SENP5: variants seen among roughly 807,000 people sequenced by gnomAD.
SENP5 encodes SUMO specific peptidase 5.
Under a neutral mutation model 74.2 loss-of-function variants are expected in SENP5, and 21 were observed. That is an observed-to-expected ratio of 0.28 (90% CI 0.20 to 0.41). The LOEUF is 0.41. Among genes scored for constraint, SENP5 ranks in the 10% least tolerant of loss-of-function variants. The probability of loss-of-function intolerance (pLI) is 1.00; values close to 1 mark genes in which losing one functional copy is unlikely to be tolerated. For missense variants in SENP5, 717 were observed against 889.1 expected (o/e 0.81, Z 2.46); for synonymous variants, 311 against 312.7 (o/e 0.99, Z 0.06).
At chr3:196,897,357 A>C (rs966379226) in intron 2 of SENP5, among the ~76,000 whole-genome samples, 5 of 152,226 alleles carry the variant, frequency 3.3e-5, no homozygotes, top group Non-Finnish European at 5.9e-5. Flanking sequence ...TTCCTAGATT[A>C]GAAGCCCCAA....
intron 2 of SENP5, among the ~76,000 whole-genome samples, chr3:196,894,014 A>G (rs1300590572): frequency 1.3e-5 from 2 of 151,804 alleles, no homozygotes; most frequent in East Asian, 3.9e-4. Flanking sequence ...AAAAATATTT[A>G]TGGTCGTGTA....
At chr3:196,869,284 ACCT>A (rs1261016949) in intron 1 of SENP5, among the ~76,000 whole-genome samples, 1 of 151,208 alleles carries the variant, frequency 6.6e-6, no homozygotes. Flanking sequence ...GCTCACTGCA[ACCT>A]CCTCCTCCCA....
intron 2 of SENP5, among the ~76,000 whole-genome samples, chr3:196,891,967 T>G (rs549947234): frequency 1.3e-3 from 193 of 152,152 alleles, no homozygotes; most frequent in African/African-American, 4.4e-3. Context: ...ATTTTTTGTA[T>G]TTTTAGTAGA....
At chr3:196,920,217 TA>T (rs1715562983) in intron 6 of SENP5, among the ~76,000 whole-genome samples, 2 of 152,242 alleles carry the variant, frequency 1.3e-5, no homozygotes, top group Non-Finnish European at 2.9e-5. Flanking sequence ...TCTTTGCATT[TA>T]TTTTTTCTCA....
chr3:196,929,803 T>TTCCC (rs1715957733), intron 9 of SENP5, 120 bp downstream of exon 9: 16 of 703,104 alleles, frequency 2.3e-5, no homozygotes, highest in Non-Finnish European at 3.3e-5. Context: ...ACGGAGTACT[T>TTCCC]TCCCTCCCCT....
At chr3:196,907,476 G>A (rs1390539494) in intron 6 of SENP5, among the ~76,000 whole-genome samples, 4 of 150,314 alleles carry the variant, frequency 2.7e-5, no homozygotes, top group Admixed American at 1.3e-4. Flanking sequence ...AAAAGATAAT[G>A]GAAGATGCTT....
intron 3 of SENP5, 41 bp downstream of exon 3, chr3:196,899,812 T>A: frequency 3.2e-6 from 5 of 1,555,838 alleles, no homozygotes; most frequent in South Asian, 2.3e-5. Context: ...GAAAATAAAA[T>A]TTTTGGCATA....
At chr3:196,881,272 A>G (rs1418704455) in intron 1 of SENP5, among the ~76,000 whole-genome samples, 1 of 152,222 alleles carries the variant, frequency 6.6e-6, no homozygotes, top group Non-Finnish European at 1.5e-5. Context: ...TTGCTATTAT[A>G]AACAATGCTG....
At chr3:196,892,022 C>T (rs916353226) in intron 2 of SENP5, among the ~76,000 whole-genome samples, 3 of 151,960 alleles carry the variant, frequency 2.0e-5, no homozygotes, top group Admixed American at 6.6e-5. Context: ...AATCTCCTGA[C>T]CTCATGATCC....
chr3:196,929,134 G>GAC (rs1355831533), intron 8 of SENP5: 2 of 153,186 alleles, frequency 1.3e-5, no homozygotes, highest in African/African-American at 4.8e-5. Flanking sequence ...CAGCCTGGGC[G>GAC]ACAGAGTGAG....
intron 1 of SENP5, among the ~76,000 whole-genome samples, chr3:196,880,947 C>A (rs1482895237): frequency 4.2e-5 from 6 of 143,068 alleles, no homozygotes; most frequent in Non-Finnish European, 4.6e-5. Context: ...GGCCCTTTTC[C>A]TTTTTTATTT....
At chr3:196,908,676 G>T (rs544082206) in intron 6 of SENP5, among the ~76,000 whole-genome samples, 17 of 152,022 alleles carry the variant, frequency 1.1e-4, no homozygotes, top group Non-Finnish European at 1.8e-4. Flanking sequence ...ATACAAAATT[G>T]GCTGGGTGTG....
chr3:196,880,101 G>A (rs752021505), intron 1 of SENP5, among the ~76,000 whole-genome samples: 6 of 151,884 alleles, frequency 4.0e-5, no homozygotes, highest in African/African-American at 9.7e-5. Context: ...TCATGCCACC[G>A]TGCCTGGCTA....
At chr3:196,904,656 G>A (rs1043671112) in intron 6 of SENP5, among the ~76,000 whole-genome samples, 4 of 152,072 alleles carry the variant, frequency 2.6e-5, no homozygotes, top group Non-Finnish European at 5.9e-5. Context: ...GGCTGTGATG[G>A]TGGGCGCCTG....
intron 8 of SENP5, 80 bp from the exon 9 acceptor site, chr3:196,929,553 A>G: frequency 1.2e-6 from 1 of 857,556 alleles, no homozygotes; most frequent in Non-Finnish European, 1.9e-6. Flanking sequence ...TCTTTTGCGC[A>G]TTTTTCCATA....
chr3:196,899,353 G>T (rs1416205237), intron 2 of SENP5, among the ~76,000 whole-genome samples: 4 of 152,036 alleles, frequency 2.6e-5, no homozygotes, highest in Non-Finnish European at 5.9e-5. Flanking sequence ...TTAAGAGAAG[G>T]TTAAGCTGTG....
chr3:196,890,980 T>TA (rs1205844860), intron 2 of SENP5, among the ~76,000 whole-genome samples: 2 of 152,170 alleles, frequency 1.3e-5, no homozygotes, highest in Non-Finnish European at 2.9e-5. Flanking sequence ...TAAAACCAAA[T>TA]ACACAGAAAT....
In SENP5 at chr3:196,888,677, G is replaced by A. The variant is rs147779354; in HGVS notation, c.1513+1983G>A. Among the ~76,000 whole-genome samples the A allele has an allele frequency of 4.0e-3, 614 of 152,218 alleles. 7 individuals are homozygous for A. The highest frequency in any genetic ancestry group is 0.014 in the African/African-American group (577 of 41,542). Reference sequence around the variant, plus strand: ...GATATATATGACATATGTAGGATGAGTGTGAGTATATATGTGTGCATATGC... The same window carrying A: ...GATATATATGACATATGTAGGATGAATGTGAGTATATATGTGTGCATATGC... On this transcript the variant is annotated intron_variant, in intron 2 of 9. Transcript: ENST00000323460.
Position 196,923,066 on chromosome 3 carries a change from T to C in SENP5, c.1885-348T>C, listed in dbSNP as rs537659055. Among the ~76,000 whole-genome samples, 86 of 152,342 alleles carry C rather than the reference T, an allele frequency of 5.6e-4. 1 individual carries two copies. The highest frequency in any genetic ancestry group is 3.4e-3 in the Middle Eastern group (1 of 294). ...CCGTGCCTGGCCCCTTATACCATTT[T>C]CTAATACTATGATTCCTTTCTAAAC... On this transcript the variant is annotated intron_variant, in intron 6 of 9. Transcript: ENST00000323460.
Sources: gnomAD v4.1 joint callset for allele counts (sites outside exome capture counted in the v4.1 genomes callset) on GRCh38, gnomAD v4.1.1 for gene constraint, MANE v1.5 for transcripts, NCBI Gene and HGNC (gene_info 2026-07-23, HGNC 2026-07-21) for gene names.